The following PLEKHH1 variants were observed in gnomAD, a reference collection of about 807,000 sequenced individuals.
The protein encoded by PLEKHH1 is pleckstrin homology domain-containing family H member 1.
In PLEKHH1, 104 loss-of-function variants were observed where a neutral mutation model predicts 160.0. The observed-to-expected ratio is 0.65, with a 90% CI of 0.55 to 0.76. PLEKHH1 has a LOEUF of 0.76. Among genes scored for constraint, PLEKHH1 ranks in the 30% least tolerant of loss-of-function variants. PLEKHH1 has a pLI of 0.00. For synonymous variants in PLEKHH1, 619 were observed against 678.4 expected (o/e 0.91, Z 1.36); for missense variants, 1,427 against 1,724.1 (o/e 0.83, Z 3.05).
At chr14:67,556,346 G>A (rs754767919) in intron 3 of PLEKHH1, among the ~76,000 whole-genome samples, 84 of 152,244 alleles carry the variant, frequency 5.5e-4, no homozygotes, top group Non-Finnish European at 5.7e-4. Flanking sequence ...ATGTTGCCCA[G>A]GCTGGTCTCA....
At position 67,574,584 on chromosome 14, in the gene PLEKHH1, G is replaced by A. The variant is rs1276423927; in HGVS notation, c.2088+181G>A. ...CTGGCCACACAAGGTGATGGCGAGT[G>A]ATTCCCCGGAAACAAATCAGGGTTG... On this transcript the variant is annotated intron_variant, in intron 14 of 28. Transcript: ENST00000329153. This position sits in a 1 kb window ranked among gnomAD's most constrained non-coding sequence, Gnocchi z 4.2. Among the ~76,000 whole-genome samples the A allele has an allele frequency of 6.6e-6, 1 of 152,206 alleles. No individual in the cohort carries two copies. Among genetic ancestry groups the A allele is most frequent in the Non-Finnish European group, 1.5e-5 (1 of 68,034 alleles).
chr14:67,568,838 G>A (rs1214915614), intron 7 of PLEKHH1, among the ~76,000 whole-genome samples: 2 of 152,192 alleles, frequency 1.3e-5, no homozygotes, highest in African/African-American at 2.4e-5. Flanking sequence ...TGCCCCAAAG[G>A]TGAAGGGTGG....
rs1381387656 is a variant in PLEKHH1 at position 67,578,527 on chromosome 14, C to T, written c.2752-7C>T. On this transcript the variant is annotated splice_region_variant and splice_polypyrimidine_tract_variant and intron_variant, in intron 19 of 28. Coordinates refer to ENST00000329153, the MANE Select transcript of PLEKHH1 (RefSeq NM_020715.3). The surrounding 1 kb of genome is among the most constrained non-coding windows in gnomAD (Gnocchi z 5.0). Reference sequence around the variant, plus strand: ...CACTCACCCCACGCTGTCTGTGTCCCTGGCAGTGCTGGCAGCTCCTCGCTC... The same window carrying T: ...CACTCACCCCACGCTGTCTGTGTCCTTGGCAGTGCTGGCAGCTCCTCGCTC... 2 of 1,598,628 alleles carry T rather than the reference C, an allele frequency of 1.3e-6. No homozygotes were observed. The highest frequency in any genetic ancestry group is 1.7e-6 in the Non-Finnish European group (2 of 1,169,952).
Position 67,575,932 on chromosome 14 carries a change from C to G in PLEKHH1, c.2279C>G (p.Ser760Cys). ...EAGGTRRLLS[S>C]HCTLVIHPTE... ...GGAGGAACCAGACGGTTGCTTTCCT[C>G]CCACTGCACCCTGGTGATCCACCCC... Residue 760 changes from serine to cysteine, a missense_variant, in exon 16 of 29, where the codon TCC (serine) becomes TGC (cysteine). Coordinates refer to ENST00000329153, the MANE Select transcript of PLEKHH1 (RefSeq NM_020715.3). 2 of 1,613,944 alleles carry G rather than the reference C, an allele frequency of 1.2e-6. No homozygotes were observed. The highest frequency in any genetic ancestry group is 1.7e-6 in the Non-Finnish European group (2 of 1,179,828).
intron 1 of PLEKHH1, among the ~76,000 whole-genome samples, chr14:67,538,782 G>A (rs752682628): frequency 6.6e-6 from 1 of 152,164 alleles, no homozygotes; most frequent in Admixed American, 6.5e-5. Context: ...CCAAGGCAGG[G>A]AGAGGATTAA....
Position 67,572,177 on chromosome 14 carries a change from T to C in PLEKHH1, c.1628T>C (p.Ile543Thr). ...CTGAGCTCCGAGGGTGACTACGCCA[T>C]CCCCCCGGACGCCTGCTCACTGGAC... ...SSLSSEGDYA[I>T]PPDACSLDSD... is the part of the protein sequence containing the mutation. Residue 543 changes from isoleucine to threonine, a missense_variant, in exon 11 of 29, where the codon ATC (isoleucine) becomes ACC (threonine). Physicochemically the swap from Ile to Thr is moderately conservative, Grantham distance 89. Around this residue, in one of 6 missense-constraint regions of PLEKHH1, gnomAD observed 831 missense variants for 929.2 expected, o/e 0.89. Transcript: ENST00000329153. 1 of 1,606,126 alleles carries C rather than the reference T, an allele frequency of 6.2e-7. No homozygotes were observed. The highest frequency in any genetic ancestry group is 1.3e-5 in the African/African-American group (1 of 74,666).
chr14:67,574,553 C>G lies in PLEKHH1; in HGVS notation c.2088+150C>G. The G allele has an allele frequency of 1.7e-6, 1 of 583,432 alleles. No homozygotes were observed. Among genetic ancestry groups the G allele is most frequent in the Non-Finnish European group, 2.8e-6 (1 of 355,772 alleles). The allele number at this position is 583,432 out of a possible 1,614,324, so 36.1% of individuals were successfully genotyped here. A position where few individuals can be genotyped will look rare whatever the true frequency, so the allele number is the denominator to read the frequency against. On this transcript the variant is annotated intron_variant, in intron 14 of 28. Transcript: ENST00000329153. The surrounding 1 kb of genome is among the most constrained non-coding windows in gnomAD (Gnocchi z 4.2). ...AGTGACTCGCTGGCCAGCCCTCAAA[C>G]GTGGTCTGGCCACACAAGGTGATGG...
chr14:67,586,951 T>G, intron 28 of PLEKHH1, 123 bp from the exon 29 acceptor site: 2 of 1,544,326 alleles, frequency 1.3e-6, no homozygotes, highest in Non-Finnish European at 1.7e-6. Context: ...TTCTCCCAGG[T>G]GGGTATTTTA....
At chr14:67,572,368 T>C (rs1594779047) in intron 11 of PLEKHH1, 91 bp downstream of exon 11, 2 of 1,044,566 alleles carry the variant, frequency 1.9e-6, no homozygotes, top group East Asian at 3.1e-5. Context: ...AGTAGCTGCC[T>C]GAAGTGAGGG....
chr14:67,558,844 A>G (rs552421113), intron 4 of PLEKHH1, among the ~76,000 whole-genome samples: 2 of 152,376 alleles, frequency 1.3e-5, no homozygotes, highest in South Asian at 2.1e-4. Flanking sequence ...CTCTGTTGCA[A>G]CTGGTCAAAG....
At chr14:67,575,558 A>AC in intron 15 of PLEKHH1, 86 bp downstream of exon 15, 1 of 820,380 alleles carries the variant, frequency 1.2e-6, no homozygotes, top group Non-Finnish European at 2.1e-6. Flanking sequence ...GAAAGTCCCT[A>AC]CCCCACGTAA....
Position 67,569,989 on chromosome 14 carries a change from C to G in PLEKHH1, c.1411C>G (p.Pro471Ala), listed in dbSNP as rs779350639. 7.5e-6 allele frequency: 12 copies of G among 1,603,742 alleles called. No individual in the cohort carries two copies. In the East Asian group the frequency reaches 2.5e-4, roughly 33 times the overall value. ...CCTGGTCTACAAGAATGTCACTGTG[C>G]CTGTCTACACAGCACTGAAGGGGGT... ...SGLVYKNVTVPVYTALKGRAT... is the reference protein window; with the variant it reads ...SGLVYKNVTVAVYTALKGRAT... The change falls in exon 9 of 29, where the codon CCT becomes GCT. Residue 471 changes from proline (P) to alanine (A), a missense_variant. Physicochemically the swap from Pro to Ala is conservative, Grantham distance 27. Around this residue, in one of 6 missense-constraint regions of PLEKHH1, gnomAD observed 831 missense variants for 929.2 expected, o/e 0.89. Transcript: ENST00000329153.
At chr14:67,545,155 T>A (rs1301142014) in intron 2 of PLEKHH1, among the ~76,000 whole-genome samples, 5 of 152,212 alleles carry the variant, frequency 3.3e-5, no homozygotes, top group Admixed American at 2.0e-4. Flanking sequence ...TATTTGAAGA[T>A]GGGTCATCTG....
At position 67,586,027 on chromosome 14, in the gene PLEKHH1, GATCT is replaced by G; in HGVS notation, c.3867_3870del (p.Ile1290GlnfsTer13). 2 of 1,613,942 alleles carry G rather than the reference GATCT, an allele frequency of 1.2e-6. No individual in the cohort carries two copies. Among genetic ancestry groups the G allele is most frequent in the Non-Finnish European group, 1.7e-6 (2 of 1,179,858 alleles). On this transcript the variant is annotated frameshift_variant, in exon 28 of 29. Coordinates refer to ENST00000329153, the MANE Select transcript of PLEKHH1 (RefSeq NM_020715.3). LOFTEE classifies it high-confidence loss of function. ...AGGGATGACTTCATGCTTGTGATTA[GATCT>G]ATCCCAGACAAGAGCTCTGGAAAAA...
intron 28 of PLEKHH1, chr14:67,586,761 G>A (rs1024375456): frequency 7.6e-7 from 1 of 1,311,402 alleles, no homozygotes; most frequent in Admixed American, 2.9e-5. Flanking sequence ...CTGCTAAAGG[G>A]GAGGATCTCC....
chr14:67,568,337 C>T (rs1340004103), intron 7 of PLEKHH1, among the ~76,000 whole-genome samples: 3 of 149,852 alleles, frequency 2.0e-5, no homozygotes, highest in Non-Finnish European at 4.4e-5. Flanking sequence ...AGCAAACTAA[C>T]GTAGGAACAA....
intron 11 of PLEKHH1, 57 bp downstream of exon 11, chr14:67,572,334 G>C: frequency 6.7e-7 from 1 of 1,491,566 alleles, no homozygotes. Context: ...GAGGCTGCTG[G>C]GGCCCTCAGC....
At chr14:67,554,129 A>G (rs1349281954) in intron 2 of PLEKHH1, among the ~76,000 whole-genome samples, 1 of 152,184 alleles carries the variant, frequency 6.6e-6, no homozygotes, top group Non-Finnish European at 1.5e-5. Context: ...GGAGAAAAAA[A>G]TGGATGAGGG....
In PLEKHH1 at chr14:67,579,244, T is replaced by C. The variant is rs530753733; in HGVS notation, c.2960T>C (p.Leu987Pro). ...CGCATGGAAGTGGTGTCCATCCTGC[T>C]GCGTAACCCCTTCCACCACTCCTTG... is the stretch of plus-strand genomic sequence containing the variant. ...PSRMEVVSILLRNPFHHSLPF... is the reference protein window; with the variant it reads ...PSRMEVVSILPRNPFHHSLPF... The change falls in exon 21 of 29, where the codon CTG becomes CCG. Residue 987 changes from leucine to proline, a missense_variant. Around this residue, in one of 6 missense-constraint regions of PLEKHH1, gnomAD observed 436 missense variants for 607.5 expected, o/e 0.72. Coordinates refer to ENST00000329153, the MANE Select transcript of PLEKHH1 (RefSeq NM_020715.3). The C allele has an allele frequency of 6.2e-7, 1 of 1,606,744 alleles. No individual in the cohort carries two copies. Among genetic ancestry groups the C allele is most frequent in the Non-Finnish European group, 8.5e-7 (1 of 1,177,196 alleles).
Sources: allele counts gnomAD v4.1 joint callset (sites outside exome capture counted in the v4.1 genomes callset), GRCh38; gene constraint gnomAD v4.1.1; regional missense constraint gnomAD v4.1.1; non-coding constraint Gnocchi (gnomAD v3.1); transcripts MANE v1.5; gene names NCBI Gene and HGNC (gene_info 2026-07-23, HGNC 2026-07-21).